The following ADAMTS2 variants were observed in gnomAD, a reference collection of about 807,000 sequenced individuals.
ADAMTS2 encodes A disintegrin and metalloproteinase with thrombospondin motifs 2.
A neutral mutation model predicts 123.0 loss-of-function variants in ADAMTS2; 50 were observed. The ratio of observed to expected loss-of-function variants is 0.41; its 90% confidence interval spans 0.32 to 0.51. ADAMTS2 has a LOEUF of 0.51. Ranked by LOEUF, ADAMTS2 falls within the 20% of genes least tolerant of loss-of-function variation. The pLI is 0.35. For synonymous variants in ADAMTS2, 678 were observed against 695.4 expected, an observed-to-expected ratio of 0.98 and a Z score of 0.39; for missense variants, 1,494 against 1,705.2, an observed-to-expected ratio of 0.88 and a Z score of 2.18.
chr5:179,210,792 C>T (rs1006767630), intron 3 of ADAMTS2, among the ~76,000 whole-genome samples: 4 of 152,224 alleles, frequency 2.6e-5, no homozygotes, highest in South Asian at 2.1e-4. Context: ...CAACAAGACC[C>T]GGCAGTCAGG....
At chr5:179,291,730 A>ATATTTATTTATTTATT (rs112260790) in intron 2 of ADAMTS2, among the ~76,000 whole-genome samples, 22 of 151,542 alleles carry the variant, frequency 1.5e-4, no homozygotes, top group African/African-American at 4.6e-4. Flanking sequence ...GGTCCAAACG[A>ATATTTATTTATTTATT]TATTTATTTA....
chr5:179,140,058 C>A, intron 10 of ADAMTS2, 23 bp from the exon 11 acceptor site: 1 of 1,613,734 alleles, frequency 6.2e-7, no homozygotes, highest in Non-Finnish European at 8.5e-7. Context: ...AAGCCAGTCC[C>A]TCCACTCACC....
chr5:179,306,740 G>T (rs1756683888), intron 2 of ADAMTS2, among the ~76,000 whole-genome samples: 2 of 152,144 alleles, frequency 1.3e-5, no homozygotes, highest in Admixed American at 6.6e-5. Context: ...GGGCCCTCCT[G>T]CTCCAGCCTC....
At chr5:179,146,863 T>C (rs573801658) in intron 10 of ADAMTS2, among the ~76,000 whole-genome samples, 195 of 152,334 alleles carry the variant, frequency 1.3e-3, no homozygotes, top group African/African-American at 4.6e-3. Context: ...AAAGGTATAT[T>C]TGATACATAT....
rs1180438671 is a variant in ADAMTS2 at position 179,308,219 on chromosome 5, C to T, written c.535-35155G>A. Among the ~76,000 whole-genome samples, 1 of 152,158 alleles carries T rather than the reference C, an allele frequency of 6.6e-6. No homozygotes were observed. Among genetic ancestry groups the T allele is most frequent in the African/African-American group, 2.4e-5 (1 of 41,428 alleles). On this transcript the variant is annotated intron_variant, in intron 2 of 21. Coordinates refer to ENST00000251582, the MANE Select transcript of ADAMTS2 (RefSeq NM_014244.5). This position sits in a 1 kb window ranked among gnomAD's most constrained non-coding sequence, Gnocchi z 6.6. ...CAGTTAGTAAAGCATTCAGGCTGCT[C>T]GGTGGAGGTGGGAAGACAGGCGCTG...
At position 179,265,829 on chromosome 5, in the gene ADAMTS2, C is replaced by A. The variant is rs527531808; in HGVS notation, c.688+7082G>T. Among the ~76,000 whole-genome samples the A allele has an allele frequency of 7.2e-5, 11 of 152,368 alleles. No individual in the cohort carries two copies. In the South Asian group the frequency reaches 1.0e-3, roughly 14 times the overall value. ...GCGCTCAGCCCTGAAGCACGCCTCC[C>A]GGAGCCGCCTCGGGTTTCACAATCA... On this transcript the variant is annotated intron_variant, in intron 3 of 21. Coordinates refer to ENST00000251582, the MANE Select transcript of ADAMTS2 (RefSeq NM_014244.5).
chr5:179,213,883 G>A (rs184638831), intron 3 of ADAMTS2, among the ~76,000 whole-genome samples: 7 of 152,334 alleles, frequency 4.6e-5, no homozygotes, highest in African/African-American at 1.7e-4. Context: ...GAGAGACAAG[G>A]CCACAGTGAT....
chr5:179,132,802 C>T lies in ADAMTS2; in HGVS notation c.2184G>A (p.Thr728=), dbSNP rs770111550. 16 of 1,614,128 alleles carry T rather than the reference C, an allele frequency of 9.9e-6. No homozygotes were observed. Among genetic ancestry groups the T allele is most frequent in the Admixed American group, 3.3e-5 (2 of 60,026 alleles). Residue 728 remains threonine, a synonymous_variant, in exon 14 of 22, where the codon ACG becomes ACA. Transcript: ENST00000251582. This position sits in a 1 kb window ranked among gnomAD's most constrained non-coding sequence, Gnocchi z 6.1. ...DNSHCKVVKG[T]FTRSPKKHGY... The stretch of plus-strand genomic sequence containing the variant: ...CATGCTTCTTGGGTGACCGTGTGAA[C>T]GTGCCCTTGACCACTTTGCAGTGGC...
chr5:179,146,908 T>C (rs1326614119), intron 10 of ADAMTS2, among the ~76,000 whole-genome samples: 1 of 152,220 alleles, frequency 6.6e-6, no homozygotes, highest in Non-Finnish European at 1.5e-5. Flanking sequence ...TTCCTTATTT[T>C]ATGGAAACAT....
chr5:179,245,548 C>T (rs1409315272), intron 3 of ADAMTS2, among the ~76,000 whole-genome samples: 5 of 149,242 alleles, frequency 3.4e-5, no homozygotes, highest in Admixed American at 1.3e-4. Flanking sequence ...AGGCGGATCA[C>T]GAGGTCAGGA....
intron 3 of ADAMTS2, among the ~76,000 whole-genome samples, chr5:179,239,231 C>A (rs1005366125): frequency 6.6e-6 from 1 of 152,112 alleles, no homozygotes; most frequent in African/African-American, 2.4e-5. Flanking sequence ...ACGCAAGTGA[C>A]AACCGTGGAG....
At chr5:179,137,661 G>C (rs1763088121) in intron 12 of ADAMTS2, 108 bp downstream of exon 12, 22 of 1,445,732 alleles carry the variant, frequency 1.5e-5, no homozygotes, top group Non-Finnish European at 2.0e-5. Context: ...TGCCAGCCCA[G>C]GGTCGCGGCA....
chr5:179,286,795 G>T (rs1468425971), intron 2 of ADAMTS2, among the ~76,000 whole-genome samples: 1 of 152,136 alleles, frequency 6.6e-6, no homozygotes, highest in Non-Finnish European at 1.5e-5. Context: ...TAAAATTAAG[G>T]TGTGGGCAGA....
intron 2 of ADAMTS2, among the ~76,000 whole-genome samples, chr5:179,279,351 G>A (rs75020850): frequency 0.027 from 4,116 of 152,274 alleles, 127 homozygotes; most frequent in African/African-American, 0.075. Context: ...CACACAGCAC[G>A]CACCTTGCCA....
chr5:179,177,249 T>C (rs1178543661), intron 5 of ADAMTS2, among the ~76,000 whole-genome samples: 1 of 152,232 alleles, frequency 6.6e-6, no homozygotes, highest in East Asian at 1.9e-4. Context: ...AATCTCCACA[T>C]TCCTAGGATA....
rs1239468484 is a variant in ADAMTS2, at chr5:179,162,558, TG to T, written c.976-3680del. Among the ~76,000 whole-genome samples, 1 of 152,182 alleles carries T rather than the reference TG, an allele frequency of 6.6e-6. No homozygotes were observed. The highest frequency in any genetic ancestry group is 1.5e-5 in the Non-Finnish European group (1 of 68,020). On this transcript the variant is annotated intron_variant, in intron 5 of 21. Coordinates refer to ENST00000251582, the MANE Select transcript of ADAMTS2 (RefSeq NM_014244.5). This position sits in a 1 kb window ranked among gnomAD's most constrained non-coding sequence, Gnocchi z 5.1. ...CTGAGCTGTTGCACACCATACCGTA[TG>T]GGCCCCTCCTGGGGCCGTCACCCAT...
Position 179,215,837 on chromosome 5 carries a change from T to C in ADAMTS2, c.689-8122A>G, listed in dbSNP as rs190327270. Among the ~76,000 whole-genome samples the C allele has an allele frequency of 4.3e-4, 66 of 152,046 alleles. 1 individual carries two copies. Among genetic ancestry groups the C allele is most frequent in the African/African-American group, 1.5e-3 (63 of 41,484 alleles). ...GAATTGGAATCAGAATGACTCAGAG[T>C]TCTCAAAAGCAGCATTCGATGCAGG... On this transcript the variant is annotated intron_variant, in intron 3 of 21. Coordinates refer to ENST00000251582, the MANE Select transcript of ADAMTS2 (RefSeq NM_014244.5).
intron 10 of ADAMTS2, chr5:179,151,299 G>A (rs549133610): frequency 5.9e-4 from 94 of 158,476 alleles, no homozygotes; most frequent in African/African-American, 2.2e-3. Context: ...CCAAACAAAA[G>A]TCTTCAAGGA....
chr5:179,203,307 C>T (rs1305412128), intron 4 of ADAMTS2, among the ~76,000 whole-genome samples: 1 of 152,258 alleles, frequency 6.6e-6, no homozygotes, highest in Non-Finnish European at 1.5e-5. Context: ...GGCTGGCCCC[C>T]AGACCCCGGG....
Sources: gnomAD v4.1 joint callset for allele counts (sites outside exome capture counted in the v4.1 genomes callset) on GRCh38, gnomAD v4.1.1 for gene constraint, Gnocchi (gnomAD v3.1) non-coding constraint, MANE v1.5 for transcripts, NCBI Gene and HGNC (gene_info 2026-07-23, HGNC 2026-07-21) for gene names.